FLCN: variants seen among roughly 807,000 people sequenced by gnomAD.
FLCN encodes the protein folliculin, also known as BHD skin lesion fibrofolliculoma protein.
Under a neutral mutation model 62.5 loss-of-function variants are expected in FLCN, and 22 were observed. The ratio of observed to expected loss-of-function variants is 0.35; its 90% CI spans 0.25 to 0.50. The LOEUF is 0.50. Among genes scored for constraint, FLCN ranks in the 20% least tolerant of loss-of-function variants. The probability of loss-of-function intolerance (pLI) is 0.97; values close to 1 mark genes in which losing one functional copy is unlikely to be tolerated. For synonymous variants in FLCN, 319 were observed against 310.0 expected, an observed-to-expected ratio of 1.03 and a Z score of -0.30; for missense variants, 657 against 778.0, an observed-to-expected ratio of 0.84 and a Z score of 1.85.
chr17:17,227,429 A>G (rs2047285055), intron 4 of FLCN, among the ~76,000 whole-genome samples: 1 of 152,168 alleles, frequency 6.6e-6, no homozygotes, highest in Non-Finnish European at 1.5e-5. Flanking sequence ...AGAAGTTAAC[A>G]TAGGCTGGGT....
At chr17:17,227,603 C>T (rs1033726699) in intron 4 of FLCN, among the ~76,000 whole-genome samples, 1 of 151,948 alleles carries the variant, frequency 6.6e-6, no homozygotes, top group Non-Finnish European at 1.5e-5. Flanking sequence ...ATTCGTTATT[C>T]GGGAGGCTGA....
chr17:17,218,531 C>T (rs770286801), intron 9 of FLCN, among the ~76,000 whole-genome samples: 14 of 152,026 alleles, frequency 9.2e-5, no homozygotes, highest in Non-Finnish European at 1.9e-4. Flanking sequence ...ACTACAGGCA[C>T]ATGCCACCAT....
intron 1 of FLCN, among the ~76,000 whole-genome samples, chr17:17,233,909 GAC>G (rs2047499997): frequency 6.6e-6 from 1 of 151,460 alleles, no homozygotes; most frequent in Admixed American, 6.6e-5. Context: ...TTTTAGTAGA[GAC>G]AGAGTTTCAC....
chr17:17,236,926 G>A lies in FLCN; in HGVS notation c.-242C>T, dbSNP rs2047597422. On this transcript the variant is annotated 5_prime_UTR_variant, in exon 1 of 14. Coordinates refer to ENST00000285071, the MANE Select transcript of FLCN (RefSeq NM_144997.7). ...CCCCCGCCTACCTGCTCCCCAAATCGAGGCCCGCGGGACACCTGGACTCGG... is the reference window on the plus strand; with the variant it reads ...CCCCCGCCTACCTGCTCCCCAAATCAAGGCCCGCGGGACACCTGGACTCGG... 6.9e-6 allele frequency: 1 copy of A among 145,824 alleles called. No homozygotes were observed. Among genetic ancestry groups the A allele is most frequent in the Non-Finnish European group, 1.5e-5 (1 of 67,818 alleles). The allele number at this position is 145,824 out of a possible 1,614,324, so 9.0% of individuals were successfully genotyped here.
At position 17,214,993 on chromosome 17, in the gene FLCN, C is replaced by T. The variant is rs531459106; in HGVS notation, c.1530G>A (p.Glu510=). ...VDQCLVCLKE[E]WMNKVKVLFK... ...CCCACACTGTTGCTTACTTCATCCACTCCTCCTTGAGGCAGACGAGGCACT... is the reference window on the plus strand; with the variant it reads ...CCCACACTGTTGCTTACTTCATCCATTCCTCCTTGAGGCAGACGAGGCACT... Residue 510 remains glutamate, a synonymous_variant, in exon 13 of 14, where the codon GAG becomes GAA. Transcript: ENST00000285071. 1.9e-6 allele frequency: 3 copies of T among 1,614,086 alleles called. No individual in the cohort carries two copies. Among genetic ancestry groups the T allele is most frequent in the South Asian group, 2.2e-5 (2 of 91,074 alleles).
intron 8 of FLCN, chr17:17,220,880 C>T (rs1405487580): frequency 1.2e-5 from 3 of 243,374 alleles, no homozygotes; most frequent in South Asian, 5.7e-5. Flanking sequence ...AGAAACACCT[C>T]GAAACAGCTC....
chr17:17,223,775 T>C (rs1300499121), intron 6 of FLCN, 147 bp downstream of exon 6: 4 of 837,160 alleles, frequency 4.8e-6, no homozygotes, highest in Admixed American at 2.1e-5. Flanking sequence ...CCTCCAGCTC[T>C]GAAGCCAAGA....
intron 8 of FLCN, chr17:17,220,825 C>T (rs556188747): frequency 1.0e-5 from 2 of 194,130 alleles, no homozygotes; most frequent in South Asian, 9.8e-5. Context: ...CTTGCTGAGA[C>T]TCCATTGGCA....
chr17:17,223,126 C>A, intron 6 of FLCN: 1 of 298,256 alleles, frequency 3.4e-6, no homozygotes, highest in Non-Finnish European at 6.6e-6. Flanking sequence ...TGGAGTCTCA[C>A]TCTGTCGCCC....
At chr17:17,219,276 T>C (rs2144899516) in intron 8 of FLCN, 67 bp from the exon 9 acceptor site, 1 of 1,480,708 alleles carries the variant, frequency 6.8e-7, no homozygotes, top group South Asian at 1.1e-5. Context: ...CAGCCCAAGA[T>C]ACTTCATGGG....
chr17:17,228,321 C>T (rs1289030040), intron 3 of FLCN, 160 bp from the exon 4 acceptor site: 1 of 812,976 alleles, frequency 1.2e-6, no homozygotes, highest in Non-Finnish European at 1.9e-6. Context: ...CTGCTTTGCC[C>T]CAGTGCGAGA....
chr17:17,213,666 A>G lies in FLCN; in HGVS notation c.1729T>C (p.Ser577Pro), dbSNP rs886426221. 2 of 1,613,812 alleles carry G rather than the reference A, an allele frequency of 1.2e-6. No homozygotes were observed. The highest frequency in any genetic ancestry group is 2.2e-5 in the East Asian group (1 of 44,874). Residue 577 changes from serine to proline, a missense_variant, in exon 14 of 14, where the codon TCT (serine) becomes CCT (proline). Physicochemically the swap from Ser to Pro is moderately conservative, Grantham distance 74 (BLOSUM62 -1). Transcript: ENST00000285071. ...GTGTGTGTGACGGGTCAGTTCCGAG[A>G]CTCCGAGGCTGTGGGGCTGCGGACC... ...STVRSPTASE[S>P]RN
intron 8 of FLCN, 101 bp from the exon 9 acceptor site, chr17:17,219,310 T>C (rs2047019154): frequency 9.2e-7 from 1 of 1,091,560 alleles, no homozygotes; most frequent in African/African-American, 1.6e-5. Context: ...TGTAGATTCC[T>C]GGCTGCGGCC....
intron 13 of FLCN, among the ~76,000 whole-genome samples, chr17:17,214,277 ATAAAG>A (rs1185480828): frequency 1.0e-4 from 15 of 150,182 alleles, no homozygotes; most frequent in African/African-American, 3.0e-4. Context: ...GCAGGAGGAA[ATAAAG>A]TAAATTTGCT....
intron 1 of FLCN, among the ~76,000 whole-genome samples, chr17:17,235,109 C>CAAA (rs34695824): frequency 2.8e-5 from 2 of 70,598 alleles, no homozygotes; most frequent in Non-Finnish European, 5.3e-5. Flanking sequence ...GACTCCATTT[C>CAAA]AAAAAAAAAA....
At chr17:17,235,263 A>G (rs1597638017) in intron 1 of FLCN, among the ~76,000 whole-genome samples, 1 of 151,266 alleles carries the variant, frequency 6.6e-6, no homozygotes, top group East Asian at 1.9e-4. Context: ...CTGGGCAATA[A>G]GAGTAAAACT....
chr17:17,229,494 T>C (rs2047357167), intron 3 of FLCN: 1 of 122,286 alleles, frequency 8.2e-6, no homozygotes, highest in Non-Finnish European at 1.9e-5. Context: ...GTACCTAGAG[T>C]CCTCAAAGCC....
intron 8 of FLCN, chr17:17,221,131 T>G: frequency 7.2e-7 from 1 of 1,379,800 alleles, no homozygotes; most frequent in Non-Finnish European, 9.4e-7. Context: ...ACCTGGGAGG[T>G]CAGGGAACCA....
At chr17:17,227,497 T>C (rs2047287076) in intron 4 of FLCN, among the ~76,000 whole-genome samples, 1 of 152,132 alleles carries the variant, frequency 6.6e-6, no homozygotes. Context: ...GTGGATCACC[T>C]GAGGTCACGA....
Sources: gnomAD v4.1 joint callset for allele counts (sites outside exome capture counted in the v4.1 genomes callset) on GRCh38, gnomAD v4.1.1 for gene constraint, MANE v1.5 for transcripts, NCBI Gene and HGNC (gene_info 2026-07-23, HGNC 2026-07-21) for gene names.